POLR1C: variants seen among roughly 807,000 people sequenced by gnomAD.
The protein encoded by POLR1C is DNA-directed RNA polymerases I and III subunit RPAC1.
Under a neutral mutation model 38.3 loss-of-function variants are expected in POLR1C, and 42 were observed. The ratio of observed to expected loss-of-function variants is 1.10; its 90% CI spans 0.86 to 1.42. POLR1C has a LOEUF of 1.42. Among genes scored for constraint, POLR1C ranks in the 40% most tolerant of loss-of-function variants. The pLI, the probability that POLR1C is intolerant of heterozygous loss-of-function variation, is 0.00. For synonymous variants in POLR1C, 163 were observed against 163.9 expected (o/e 0.99, Z 0.04); for missense variants, 507 against 450.5 (o/e 1.13, Z -1.14).
At chr6:43,561,049 A>C (rs1251218818) in intron 10 of POLR1C, 1 of 1,500,894 alleles carries the variant, frequency 6.7e-7, no homozygotes, top group Admixed American at 1.7e-5. Flanking sequence ...TGATCGAGAA[A>C]AGCAGGAGAG....
At chr6:43,528,071 G>T in intron 8 of POLR1C, 1 of 1,334,864 alleles carries the variant, frequency 7.5e-7, no homozygotes, top group Non-Finnish European at 1.0e-6. Flanking sequence ...TCTACCCTGG[G>T]ACAGCAGAAT....
intron 8 of POLR1C, chr6:43,528,032 G>T: frequency 2.0e-6 from 2 of 990,676 alleles, no homozygotes; most frequent in Non-Finnish European, 3.0e-6. Context: ...GTATCACCTA[G>T]GCTGAGAATG....
At chr6:43,524,261 A>T (rs907831777), downstream of POLR1C, among the ~76,000 whole-genome samples, 8 of 151,634 alleles carry the variant, frequency 5.3e-5, no homozygotes, top group African/African-American at 1.5e-4. Context: ...CTGAGGCAGG[A>T]GAATCGTTTG....
At position 43,520,328 on chromosome 6, in the gene POLR1C, C is replaced by A; in HGVS notation, c.556C>A (p.Pro186Thr). 6.2e-7 allele frequency: 1 copy of A among 1,613,418 alleles called. No individual in the cohort carries two copies. The highest frequency in any genetic ancestry group is 1.1e-5 in the South Asian group (1 of 91,078). Residue 186 changes from proline (P) to threonine (T), a missense_variant, in exon 6 of 9, where the codon CCA becomes ACA. Physicochemically the swap from Pro to Thr is conservative, Grantham distance 38. Transcript: ENST00000642195. ...CCTGGGGAACCAGGCTGATCTCTTT[C>A]CAGAGGGCACTATCCGACCAGTGCA... The part of the protein sequence containing the change: ...IPLGNQADLF[P>T]EGTIRPVHDD...
downstream of POLR1C, among the ~76,000 whole-genome samples, chr6:43,532,148 G>C (rs1794030075): frequency 6.6e-6 from 1 of 152,156 alleles, no homozygotes; most frequent in South Asian, 2.1e-4. Flanking sequence ...GCATGGGGGT[G>C]TGTGGTAAGC....
In POLR1C at chr6:43,520,380, G is replaced by A. The variant is rs767435882; in HGVS notation, c.608G>A (p.Arg203Gln). The change falls in exon 6 of 9, where the codon CGG (arginine) becomes CAG (glutamine). Residue 203 changes from arginine (R) to glutamine (Q), a missense_variant. Transcript: ENST00000642195. ...GATGATATCCTCATCGCTCAGCTGC[G>A]GCCTGGCCAAGAAATTGACCTGCTC... Reference protein sequence around the residue: ...VHDDILIAQLRPGQEIDLLMH... With the variant: ...VHDDILIAQLQPGQEIDLLMH... 10 of 1,613,814 alleles carry A rather than the reference G, an allele frequency of 6.2e-6. 1 individual carries two copies. The Admixed American group carries it at 6.7e-5, about 11-fold the overall frequency.
At chr6:43,560,870 T>G in intron 10 of POLR1C, 1 of 1,381,382 alleles carries the variant, frequency 7.2e-7, no homozygotes, top group East Asian at 2.3e-5. Context: ...GACACAGTGC[T>G]TGACATTGGT....
chr6:43,562,248 A>T, exon 11 of POLR1C: 1 of 1,603,664 alleles, frequency 6.2e-7, no homozygotes, highest in Non-Finnish European at 8.5e-7. Context: ...CTAGCTCACC[A>T]GCAATGCACA....
Position 43,521,194 on chromosome 6 carries a change from C to T in POLR1C, c.935C>T (p.Ser312Leu). Reference sequence around the variant, plus strand: ...CTTTGGTCCCCAGTCTCTGTTGAGTCAACGGGGGTGTTGCCACCAGATGTG... The same window carrying T: ...CTTTGGTCCCCAGTCTCTGTTGAGTTAACGGGGGTGTTGCCACCAGATGTG... ...VRDHYIFSVE[S>L]TGVLPPDVLV... Residue 312 changes from serine (S) to leucine (L), a missense_variant, in exon 9 of 9, where the codon TCA becomes TTA. Transcript: ENST00000642195. 1 of 1,614,082 alleles carries T rather than the reference C, an allele frequency of 6.2e-7. No individual in the cohort carries two copies. Among genetic ancestry groups the T allele is most frequent in the Admixed American group, 1.7e-5 (1 of 60,018 alleles).
intron 9 of POLR1C, among the ~76,000 whole-genome samples, chr6:43,549,257 C>A (rs1419380918): frequency 1.3e-5 from 2 of 152,038 alleles, no homozygotes; most frequent in African/African-American, 2.4e-5. Context: ...AGAGACCGGA[C>A]TTCACCATGT....
At chr6:43,558,931 A>G (rs1413611834) in intron 10 of POLR1C, 1 of 200,038 alleles carries the variant, frequency 5.0e-6, no homozygotes, top group East Asian at 1.3e-4. Context: ...TCAAATACTG[A>G]ACACTGAGAA....
chr6:43,519,096 G>A (rs1793002664), intron 2 of POLR1C: 1 of 566,798 alleles, frequency 1.8e-6, no homozygotes, highest in Non-Finnish European at 3.2e-6. Context: ...TAGCTTCTGT[G>A]GATGGTTTGG....
At chr6:43,558,362 G>A in intron 10 of POLR1C, 1 of 722,944 alleles carries the variant, frequency 1.4e-6, no homozygotes, top group Non-Finnish European at 2.2e-6. Context: ...TCTGCAATGG[G>A]AAACTAGGGC....
Position 43,519,534 on chromosome 6 carries a change from CCTT to C in POLR1C, c.249+95_249+97del, listed in dbSNP as rs879139795. On this transcript the variant is annotated intron_variant, in intron 3 of 8. Coordinates refer to ENST00000642195, the MANE Select transcript of POLR1C (RefSeq NM_203290.4). ...TAAGTGTCTCAAGCTGTCCTTCCCT[CCTT>C]AATTTTCCTGGAATTTTGCTGAGCA... 3.4e-5 allele frequency: 46 copies of C among 1,361,424 alleles called. 1 individual carries two copies. The South Asian group carries it at 3.7e-4, about 11-fold the overall frequency. 84.3% of individuals were successfully genotyped at this position (1,361,424 alleles called of 1,614,324 possible). A position where few individuals can be genotyped will look rare whatever the true frequency, so the allele number is the denominator to read the frequency against.
intron 9 of POLR1C, among the ~76,000 whole-genome samples, chr6:43,535,019 G>A (rs917305061): frequency 6.7e-6 from 1 of 149,782 alleles, no homozygotes. Flanking sequence ...AAGGCCAGGC[G>A]CAGTGGCTCA....
intron 10 of POLR1C, chr6:43,560,269 G>GCTC: frequency 6.2e-7 from 1 of 1,611,788 alleles, no homozygotes; most frequent in Non-Finnish European, 8.5e-7. Flanking sequence ...CCTGAAGAGG[G>GCTC]CTCCCCAAGT....
At chr6:43,524,947 C>T (rs948335041), downstream of POLR1C, 17 of 1,613,480 alleles carry the variant, frequency 1.1e-5, no homozygotes, top group Admixed American at 1.7e-5. Context: ...ACTGCATCTG[C>T]GAGCAGTGTC....
chr6:43,525,752 T>C (rs1051881266), downstream of POLR1C: 1 of 1,396,390 alleles, frequency 7.2e-7, no homozygotes, highest in African/African-American at 1.5e-5. Flanking sequence ...TACAAAAAAC[T>C]CTTGATAGCA....
At chr6:43,524,104 A>G, downstream of POLR1C, 1 of 1,501,858 alleles carries the variant, frequency 6.7e-7, no homozygotes, top group South Asian at 1.3e-5. Context: ...TAATCCCAAC[A>G]CTTTTGGGAG....
Sources: gnomAD v4.1 joint callset for allele counts (sites outside exome capture counted in the v4.1 genomes callset) on GRCh38, gnomAD v4.1.1 for gene constraint, MANE v1.5 for transcripts, NCBI Gene and HGNC (gene_info 2026-07-23, HGNC 2026-07-21) for gene names.